Variants in CARMIL1 observed in about 807,000 individuals in gnomAD.
CARMIL1 encodes the protein capping protein regulator and myosin 1 linker 1, also known as F-actin-uncapping protein LRRC16A.
A neutral mutation model predicts 177.1 loss-of-function variants in CARMIL1; 90 were observed. The ratio of observed to expected loss-of-function variants is 0.51; its 90% CI spans 0.43 to 0.61. CARMIL1 has a LOEUF of 0.61. CARMIL1 is among the 20% of genes least tolerant of loss of function. The pLI, the probability that CARMIL1 is intolerant of heterozygous loss-of-function variation, is 0.00. For missense variants in CARMIL1, 1,380 were observed against 1,667.0 expected (o/e 0.83, Z 3.00); for synonymous variants, 577 against 606.2 (o/e 0.95, Z 0.71).
intron 2 of CARMIL1, among the ~76,000 whole-genome samples, chr6:25,330,012 C>G (rs1785468345): frequency 6.6e-6 from 1 of 152,182 alleles, no homozygotes; most frequent in Non-Finnish European, 1.5e-5. Flanking sequence ...ATTGAGGACA[C>G]TGTTGTAGGT....
chr6:25,497,573 G>A (rs960642655), intron 16 of CARMIL1, among the ~76,000 whole-genome samples: 1 of 152,166 alleles, frequency 6.6e-6, no homozygotes, highest in African/African-American at 2.4e-5. Flanking sequence ...CCCAGAGGGG[G>A]TTCTGGGAAG....
chr6:25,345,522 A>G (rs567889632), intron 2 of CARMIL1, among the ~76,000 whole-genome samples: 125 of 152,174 alleles, frequency 8.2e-4, no homozygotes, highest in Non-Finnish European at 1.3e-3. Context: ...TAACATGCCC[A>G]ATCTCCAATC....
chr6:25,391,107 AT>A (rs1210200506), intron 2 of CARMIL1, among the ~76,000 whole-genome samples: 1 of 152,240 alleles, frequency 6.6e-6, no homozygotes, highest in Non-Finnish European at 1.5e-5. Context: ...GGTTTCCTTC[AT>A]AAGAGATAGT....
chr6:25,597,341 C>T (rs1482966992), intron 32 of CARMIL1, among the ~76,000 whole-genome samples: 1 of 152,116 alleles, frequency 6.6e-6, no homozygotes, highest in Non-Finnish European at 1.5e-5. Context: ...GGGGACAAAC[C>T]ACAGGAGTTG....
At chr6:25,530,148 C>T (rs1230635475) in intron 24 of CARMIL1, among the ~76,000 whole-genome samples, 1 of 151,016 alleles carries the variant, frequency 6.6e-6, no homozygotes, top group Non-Finnish European at 1.5e-5. Flanking sequence ...AAAGGACCCA[C>T]ACCTAAATAT....
chr6:25,298,995 G>T (rs1364486590), intron 2 of CARMIL1, among the ~76,000 whole-genome samples: 1 of 151,754 alleles, frequency 6.6e-6, no homozygotes, highest in African/African-American at 2.4e-5. Flanking sequence ...CAGGTGATCT[G>T]CCCGCCTCAG....
chr6:25,358,221 A>C (rs910942738), intron 2 of CARMIL1, among the ~76,000 whole-genome samples: 1 of 152,172 alleles, frequency 6.6e-6, no homozygotes, highest in South Asian at 2.1e-4. Context: ...TGTTATGTTG[A>C]CTGTAATATT....
chr6:25,503,919 C>A (rs73734019), intron 17 of CARMIL1, among the ~76,000 whole-genome samples: 1 of 151,616 alleles, frequency 6.6e-6, no homozygotes, highest in Non-Finnish European at 1.5e-5. Flanking sequence ...CGTGGGTTGG[C>A]GGGGGTGGTG....
intron 2 of CARMIL1, among the ~76,000 whole-genome samples, chr6:25,309,375 A>G (rs975341192): frequency 6.7e-6 from 1 of 149,870 alleles, no homozygotes; most frequent in Non-Finnish European, 1.5e-5. Context: ...AAAAAAAAAA[A>G]AGTAATTCAC....
intron 2 of CARMIL1, among the ~76,000 whole-genome samples, chr6:25,385,424 A>G (rs1171314272): frequency 1.3e-5 from 2 of 152,136 alleles, no homozygotes; most frequent in Non-Finnish European, 2.9e-5. Context: ...GTTTTCAGGG[A>G]GTGAGGACTG....
intron 2 of CARMIL1, among the ~76,000 whole-genome samples, chr6:25,305,368 A>G (rs1783182396): frequency 6.6e-6 from 1 of 152,206 alleles, no homozygotes. Context: ...TATTTCAGTT[A>G]ATAATACATG....
chr6:25,452,502 A>G (rs906862125), intron 8 of CARMIL1: 3 of 329,930 alleles, frequency 9.1e-6, no homozygotes, highest in Admixed American at 4.5e-5. Flanking sequence ...TTGTGGGTCA[A>G]AACATTGGTA....
intron 2 of CARMIL1, among the ~76,000 whole-genome samples, chr6:25,348,046 G>T (rs1242720721): frequency 6.6e-6 from 1 of 152,168 alleles, no homozygotes; most frequent in Non-Finnish European, 1.5e-5. Context: ...AACCAGTTTG[G>T]CCACAGGCTC....
chr6:25,584,874 T>C (rs1475708102), intron 31 of CARMIL1, among the ~76,000 whole-genome samples: 1 of 152,202 alleles, frequency 6.6e-6, no homozygotes, highest in African/African-American at 2.4e-5. Flanking sequence ...GCACCATATT[T>C]TGGGGTAGCA....
intron 12 of CARMIL1, among the ~76,000 whole-genome samples, chr6:25,486,186 G>T (rs1178846396): frequency 6.6e-6 from 1 of 152,120 alleles, no homozygotes; most frequent in East Asian, 1.9e-4. Flanking sequence ...TTTAGTTAGG[G>T]CTGTAAGAGC....
At chr6:25,512,468 G>T (rs1805549205) in intron 20 of CARMIL1, among the ~76,000 whole-genome samples, 4 of 152,066 alleles carry the variant, frequency 2.6e-5, no homozygotes, top group Admixed American at 2.0e-4. Flanking sequence ...TTTCAAATTG[G>T]TAATATGGAA....
intron 16 of CARMIL1, among the ~76,000 whole-genome samples, chr6:25,495,944 C>T (rs1399202934): frequency 2.0e-5 from 3 of 152,120 alleles, no homozygotes; most frequent in Non-Finnish European, 4.4e-5. Context: ...TGAAAGTTGT[C>T]AGATATGCTC....
chr6:25,588,311 T>C (rs1464919810), intron 31 of CARMIL1, among the ~76,000 whole-genome samples: 1 of 152,162 alleles, frequency 6.6e-6, no homozygotes, highest in Non-Finnish European at 1.5e-5. Flanking sequence ...ATTTTGGAGT[T>C]TATTTCTTGT....
chr6:25,459,275 T>TCTTTTTCTTTCTTTCTTTC, intron 8 of CARMIL1, among the ~76,000 whole-genome samples: 1 of 141,514 alleles, frequency 7.1e-6, no homozygotes, highest in South Asian at 2.4e-4. Flanking sequence ...TCTTTTTTTT[T>TCTTTTTCTTTCTTTCTTTC]TTTTTAAGAC....
Sources: allele counts gnomAD v4.1 joint callset (sites outside exome capture counted in the v4.1 genomes callset), GRCh38; gene constraint gnomAD v4.1.1; transcripts MANE v1.5; gene names NCBI Gene and HGNC (gene_info 2026-07-23, HGNC 2026-07-21).